SLCO3A1: variants seen among roughly 807,000 people sequenced by gnomAD.
SLCO3A1 encodes the protein PGE1 transporter.
Under a neutral mutation model 63.1 loss-of-function variants are expected in SLCO3A1, and 27 were observed. The ratio of observed to expected loss-of-function variants is 0.43; its 90% CI spans 0.32 to 0.59. The LOEUF (loss-of-function observed/expected upper bound fraction) is 0.59. Among genes scored for constraint, SLCO3A1 ranks in the 20% least tolerant of loss-of-function variants. The probability of loss-of-function intolerance (pLI) is 0.09; values close to 1 mark genes in which losing one functional copy is unlikely to be tolerated. For synonymous variants in SLCO3A1, 473 were observed against 409.9 expected (o/e 1.15, Z -1.86); for missense variants, 773 against 945.8 (o/e 0.82, Z 2.40).
At chr15:91,895,763 A>G (rs1321634507) in intron 1 of SLCO3A1, among the ~76,000 whole-genome samples, 1 of 152,178 alleles carries the variant, frequency 6.6e-6, no homozygotes, top group Non-Finnish European at 1.5e-5. Context: ...CTTCTATCTA[A>G]TCTTTTGAGT....
rs1379170708 is a variant in SLCO3A1 at position 92,121,381 on chromosome 15, CAA to C, written c.1174+753_1174+754del. On this transcript the variant is annotated intron_variant, in intron 5 of 9. Coordinates refer to ENST00000318445, the MANE Select transcript of SLCO3A1 (RefSeq NM_013272.4). The stretch of plus-strand genomic sequence containing the variant: ...AACAGCAACAGACATAGCAGTCAAA[CAA>C]GAGGGAAGAATCAACAATGGCTCTC... Among the ~76,000 whole-genome samples the C allele has an allele frequency of 2.6e-5, 4 of 152,142 alleles. No individual in the cohort carries two copies. The East Asian group carries it at 7.7e-4, about 29-fold the overall frequency.
At chr15:91,931,908 G>T (rs1899249398) in intron 2 of SLCO3A1, among the ~76,000 whole-genome samples, 2 of 152,108 alleles carry the variant, frequency 1.3e-5, no homozygotes, top group Admixed American at 1.3e-4. Flanking sequence ...AATCACTGTT[G>T]CTGGAGACTT....
intron 2 of SLCO3A1, among the ~76,000 whole-genome samples, chr15:92,054,961 A>G (rs190913338): frequency 6.6e-6 from 1 of 152,182 alleles, no homozygotes; most frequent in South Asian, 2.1e-4. Flanking sequence ...CTTTGGGTAT[A>G]TACCCAGTAA....
At chr15:92,009,449 C>G (rs2046346253) in intron 2 of SLCO3A1, among the ~76,000 whole-genome samples, 1 of 152,190 alleles carries the variant, frequency 6.6e-6, no homozygotes, top group Non-Finnish European at 1.5e-5. Context: ...TTCTGAGCTG[C>G]AAAAGCCAAC....
intron 7 of SLCO3A1, among the ~76,000 whole-genome samples, chr15:92,135,121 T>C (rs1240080556): frequency 6.6e-6 from 1 of 152,070 alleles, no homozygotes; most frequent in African/African-American, 2.4e-5. Flanking sequence ...GGTGTGACAA[T>C]TTGGACCTCA....
At chr15:92,031,199 A>G (rs1456029152) in intron 2 of SLCO3A1, among the ~76,000 whole-genome samples, 4 of 152,208 alleles carry the variant, frequency 2.6e-5, no homozygotes, top group African/African-American at 9.6e-5. Flanking sequence ...AAAGACATCA[A>G]TAGAGCTATG....
At chr15:91,926,596 T>TGTGTGCGCGCGCGC in intron 2 of SLCO3A1, among the ~76,000 whole-genome samples, 3 of 105,318 alleles carry the variant, frequency 2.8e-5, no homozygotes, top group African/African-American at 1.1e-4. Flanking sequence ...TGTGTGTGTG[T>TGTGTGCGCGCGCGC]GCGCGCGCGC....
chr15:91,862,586 T>C lies in SLCO3A1; in HGVS notation c.180+8498T>C, dbSNP rs1897074815. Among the ~76,000 whole-genome samples, 1 of 152,148 alleles carries C rather than the reference T, an allele frequency of 6.6e-6. No individual in the cohort carries two copies. Among genetic ancestry groups the C allele is most frequent in the Non-Finnish European group, 1.5e-5 (1 of 68,012 alleles). ...ACCTGTTCAGATAGGCCTTGAGACT[T>C]TCTTGGTAGCTCTAAAGTCTCTTCT... On this transcript the variant is annotated intron_variant, in intron 1 of 9. Coordinates refer to ENST00000318445, the MANE Select transcript of SLCO3A1 (RefSeq NM_013272.4). This position sits in a 1 kb window ranked among gnomAD's most constrained non-coding sequence, Gnocchi z 4.0.
chr15:92,093,066 A>C (rs192874083), intron 2 of SLCO3A1, among the ~76,000 whole-genome samples: 6 of 152,208 alleles, frequency 3.9e-5, no homozygotes, highest in Non-Finnish European at 8.8e-5. Flanking sequence ...GACATCTCCT[A>C]TAAGCCCCGT....
intron 2 of SLCO3A1, among the ~76,000 whole-genome samples, chr15:91,930,953 A>T (rs1488783810): frequency 6.6e-6 from 1 of 152,218 alleles, no homozygotes; most frequent in East Asian, 1.9e-4. Flanking sequence ...TTCACAGCAA[A>T]GTGTACCAGC....
intron 2 of SLCO3A1, among the ~76,000 whole-genome samples, chr15:91,922,277 G>A (rs964853624): frequency 4.6e-5 from 7 of 152,168 alleles, no homozygotes; most frequent in African/African-American, 1.7e-4. Flanking sequence ...GCTGGCCAGC[G>A]GAAAGGGGTT....
intron 2 of SLCO3A1, among the ~76,000 whole-genome samples, chr15:91,922,238 T>C (rs1341958175): frequency 1.3e-5 from 2 of 151,744 alleles, no homozygotes; most frequent in South Asian, 2.1e-4. Flanking sequence ...CAGATTCTCC[T>C]GAGGATGGAT....
chr15:92,004,126 G>A (rs12148221), intron 2 of SLCO3A1, among the ~76,000 whole-genome samples: 19,002 of 152,198 alleles, frequency 0.12, 1,268 homozygotes, highest in Non-Finnish European at 0.15. Context: ...GTAGGGCTTC[G>A]TAAGTATCAG....
At chr15:92,045,216 G>T (rs1401222671) in intron 2 of SLCO3A1, among the ~76,000 whole-genome samples, 2 of 148,086 alleles carry the variant, frequency 1.4e-5, no homozygotes, top group Admixed American at 6.9e-5. Context: ...GGAGGCGGAG[G>T]TTCCAGTGAG....
chr15:92,122,601 T>C (rs1287546293), intron 5 of SLCO3A1, among the ~76,000 whole-genome samples: 1 of 152,224 alleles, frequency 6.6e-6, no homozygotes, highest in African/African-American at 2.4e-5. Context: ...GCTGTGCCTA[T>C]TAAAGCTAAC....
chr15:92,064,739 C>T (rs1054400302), intron 2 of SLCO3A1, among the ~76,000 whole-genome samples: 35 of 152,272 alleles, frequency 2.3e-4, no homozygotes, highest in African/African-American at 7.2e-4. Flanking sequence ...ATGGATAGAA[C>T]TGGAAGACGT....
chr15:92,016,723 G>T (rs1160870095), intron 2 of SLCO3A1, among the ~76,000 whole-genome samples: 1 of 152,204 alleles, frequency 6.6e-6, no homozygotes, highest in African/African-American at 2.4e-5. Context: ...GATGGGACAT[G>T]AGGAAGAAGA....
At chr15:91,868,959 T>C (rs1897231550) in intron 1 of SLCO3A1, among the ~76,000 whole-genome samples, 1 of 152,212 alleles carries the variant, frequency 6.6e-6, no homozygotes, top group South Asian at 2.1e-4. Flanking sequence ...AAACAATACA[T>C]ATTCATCATG....
intron 5 of SLCO3A1, among the ~76,000 whole-genome samples, 178 bp downstream of exon 5, chr15:92,120,807 T>C (rs2047854295): frequency 6.6e-6 from 1 of 152,156 alleles, no homozygotes; most frequent in South Asian, 2.1e-4. Context: ...AAGATTTGCC[T>C]GCCTGGATCA....
Sources: gnomAD v4.1 joint callset for allele counts (sites outside exome capture counted in the v4.1 genomes callset) on GRCh38, gnomAD v4.1.1 for gene constraint, Gnocchi (gnomAD v3.1) non-coding constraint, MANE v1.5 for transcripts, NCBI Gene and HGNC (gene_info 2026-07-23, HGNC 2026-07-21) for gene names.